Variants in ROBO1 observed in about 807,000 individuals in gnomAD.
The protein encoded by ROBO1 is roundabout guidance receptor 1, also known as roundabout homolog 1.
In ROBO1, 149 loss-of-function variants were observed where a neutral mutation model predicts 195.9. That is an observed-to-expected ratio of 0.76 (90% CI 0.67 to 0.87). ROBO1 has a LOEUF of 0.87. ROBO1 is among the 40% of genes least tolerant of loss of function. The pLI is 0.00. For missense variants in ROBO1, 1,933 were observed against 2,068.3 expected, an observed-to-expected ratio of 0.93 and a Z score of 1.27; for synonymous variants, 816 against 733.2, an observed-to-expected ratio of 1.11 and a Z score of -1.82.
intron 1 of ROBO1, among the ~76,000 whole-genome samples, chr3:79,617,812 C>A (rs1944872112): frequency 9.5e-6 from 1 of 104,748 alleles, no homozygotes; most frequent in Non-Finnish European, 1.8e-5. Flanking sequence ...CAAAGTGAGA[C>A]TCTGTCTCAA....
At chr3:79,301,837 G>A (rs895504856) in intron 2 of ROBO1, among the ~76,000 whole-genome samples, 2 of 152,048 alleles carry the variant, frequency 1.3e-5, no homozygotes, top group African/African-American at 4.8e-5. Flanking sequence ...GCTGACCTTG[G>A]AAACAGCTTT....
intron 1 of ROBO1, among the ~76,000 whole-genome samples, chr3:79,757,401 A>G (rs1704461993): frequency 6.6e-6 from 1 of 152,098 alleles, no homozygotes. Context: ...TCAAATGAGG[A>G]CAGAGGACAA....
At chr3:78,928,915 G>A (rs904468008) in intron 4 of ROBO1, among the ~76,000 whole-genome samples, 1 of 152,076 alleles carries the variant, frequency 6.6e-6, no homozygotes, top group East Asian at 1.9e-4. Context: ...TCTACATACA[G>A]GACAGTATTA....
intron 14 of ROBO1, among the ~76,000 whole-genome samples, chr3:78,667,290 C>T (rs1326721933): frequency 6.6e-6 from 1 of 151,998 alleles, no homozygotes; most frequent in Admixed American, 6.6e-5. Flanking sequence ...TTTATGGGTA[C>T]TAACAGGTGT....
chr3:78,922,390 A>G (rs1444040394), intron 4 of ROBO1, among the ~76,000 whole-genome samples: 5 of 152,052 alleles, frequency 3.3e-5, no homozygotes, highest in Non-Finnish European at 7.3e-5. Context: ...AGGTCCTATC[A>G]TCAGGCTAAA....
chr3:78,922,605 C>CTTT lies in ROBO1; in HGVS notation c.499+15993_499+15995dup, dbSNP rs565147879. ...TTTTCTTCTTCTCCTTCTTCTTCTT[C>CTTT]TTTTTTTTTTTTTTTTTTGACAGAG... On this transcript the variant is annotated intron_variant, in intron 4 of 30. Transcript: ENST00000464233. Among the ~76,000 whole-genome samples the CTTT allele has an allele frequency of 8.3e-3, 1,025 of 123,128 alleles. 18 individuals are homozygous for CTTT. The highest frequency in any genetic ancestry group is 0.028 in the African/African-American group (897 of 31,854). 80.8% of individuals were successfully genotyped at this position (123,128 alleles called of 152,430 possible). A position where few individuals can be genotyped will look rare whatever the true frequency, so the allele number is the denominator to read the frequency against.
At chr3:79,085,659 T>C (rs942954356) in intron 3 of ROBO1, among the ~76,000 whole-genome samples, 9 of 152,156 alleles carry the variant, frequency 5.9e-5, no homozygotes, top group Non-Finnish European at 1.3e-4. Flanking sequence ...AAACAGTGGA[T>C]AGCACCTTTT....
chr3:78,674,737 G>A (rs1318597951), intron 10 of ROBO1, among the ~76,000 whole-genome samples: 1 of 152,186 alleles, frequency 6.6e-6, no homozygotes, highest in Non-Finnish European at 1.5e-5. Flanking sequence ...ATAACGTCAT[G>A]TCAGTTGGCA....
At chr3:79,277,465 A>C (rs530839568) in intron 2 of ROBO1, among the ~76,000 whole-genome samples, 80 of 152,198 alleles carry the variant, frequency 5.3e-4, no homozygotes, top group South Asian at 1.2e-3. Flanking sequence ...TGGTTTTCAG[A>C]GGCTGTGAAG....
chr3:79,634,881 A>G (rs1431825964), intron 1 of ROBO1, among the ~76,000 whole-genome samples: 1 of 152,180 alleles, frequency 6.6e-6, no homozygotes, highest in Non-Finnish European at 1.5e-5. Context: ...ATCAAAATAT[A>G]ACCATTTGAA....
Position 78,713,640 on chromosome 3 carries a change from A to T in ROBO1, c.1045+757T>A, listed in dbSNP as rs147784452. On this transcript the variant is annotated intron_variant, in intron 8 of 30. Transcript: ENST00000464233. Reference sequence around the variant, plus strand: ...AATCAGTACGACATCACAGAGAAAAACAAAATGGGATTATGAGAATGAAAA... The same window carrying T: ...AATCAGTACGACATCACAGAGAAAATCAAAATGGGATTATGAGAATGAAAA... Among the ~76,000 whole-genome samples, 47 of 152,316 alleles carry T rather than the reference A, an allele frequency of 3.1e-4. 1 individual carries two copies. The East Asian group carries it at 8.9e-3, about 29-fold the overall frequency.
Position 79,141,384 on chromosome 3 carries a change from CT to C in ROBO1, c.89-15846del, listed in dbSNP as rs536521463. Among the ~76,000 whole-genome samples, 755 of 152,200 alleles carry C rather than the reference CT, an allele frequency of 5.0e-3. 7 individuals are homozygous for C. Among genetic ancestry groups the C allele is most frequent in the African/African-American group, 0.017 (717 of 41,524 alleles). Reference sequence around the variant, plus strand: ...TCTTAACCACAGTCACGGTTTTGCACTCTTCATTCTAATTGTGCTTTTGATT... The same window carrying C: ...TCTTAACCACAGTCACGGTTTTGCACCTTCATTCTAATTGTGCTTTTGATT... On this transcript the variant is annotated intron_variant, in intron 2 of 30. Transcript: ENST00000464233.
At chr3:78,914,505 C>A (rs536533496) in intron 4 of ROBO1, among the ~76,000 whole-genome samples, 18 of 152,002 alleles carry the variant, frequency 1.2e-4, no homozygotes, top group Admixed American at 9.8e-4. Context: ...GTCCAATCAA[C>A]ATCCTATTTG....
In ROBO1 at chr3:79,382,369, G is replaced by A. The variant is rs557852914; in HGVS notation, c.88+207455C>T. On this transcript the variant is annotated intron_variant, in intron 2 of 30. Coordinates refer to ENST00000464233, the MANE Select transcript of ROBO1 (RefSeq NM_002941.4). Reference sequence around the variant, plus strand: ...TTATAATGAAGGAAAAAATCAATGAGTGTATCTGGCTAACATATAGAATTT... The same window carrying A: ...TTATAATGAAGGAAAAAATCAATGAATGTATCTGGCTAACATATAGAATTT... 7.9e-5 allele frequency among the ~76,000 whole-genome samples: 12 copies of A among 152,226 alleles called. No individual in the cohort carries two copies. In the South Asian group the frequency reaches 1.9e-3, roughly 24 times the overall value.
intron 2 of ROBO1, among the ~76,000 whole-genome samples, chr3:79,290,192 C>T (rs1225016398): frequency 6.6e-6 from 1 of 152,034 alleles, no homozygotes; most frequent in East Asian, 1.9e-4. Flanking sequence ...CGCCACCATG[C>T]CCAGCTAATT....
chr3:79,437,225 A>G (rs1404709300), intron 2 of ROBO1, among the ~76,000 whole-genome samples: 1 of 152,046 alleles, frequency 6.6e-6, no homozygotes, highest in Admixed American at 6.6e-5. Flanking sequence ...GCAAGATCCA[A>G]TGAAAGACTG....
chr3:78,784,386 T>C (rs1057167860), intron 4 of ROBO1, among the ~76,000 whole-genome samples: 4 of 152,150 alleles, frequency 2.6e-5, no homozygotes, highest in African/African-American at 9.7e-5. Context: ...AATAAGAAAT[T>C]AATACAGACA....
intron 2 of ROBO1, among the ~76,000 whole-genome samples, chr3:79,232,987 T>C (rs2082346910): frequency 6.6e-6 from 1 of 152,080 alleles, no homozygotes; most frequent in Non-Finnish European, 1.5e-5. Context: ...CCTGTTATAT[T>C]TAGCAAGAAA....
At chr3:79,327,480 G>C (rs1191823228) in intron 2 of ROBO1, among the ~76,000 whole-genome samples, 1 of 151,974 alleles carries the variant, frequency 6.6e-6, no homozygotes, top group East Asian at 1.9e-4. Context: ...AACTTAAACA[G>C]ACTTCCCGAG....
Sources: allele counts gnomAD v4.1 joint callset (sites outside exome capture counted in the v4.1 genomes callset), GRCh38; gene constraint gnomAD v4.1.1; transcripts MANE v1.5; gene names NCBI Gene and HGNC (gene_info 2026-07-23, HGNC 2026-07-21).